The following ATRNL1 variants were observed in gnomAD, a reference collection of about 807,000 sequenced individuals.
ATRNL1 encodes attractin like 1.
ATRNL1 carries 95 observed loss-of-function variants against 182.7 expected under a neutral mutation model. That is an observed-to-expected ratio of 0.52 (90% confidence interval 0.44 to 0.62). The LOEUF is 0.62. ATRNL1 is among the 20% of genes least tolerant of loss of function. ATRNL1 has a pLI of 0.00. For synonymous variants in ATRNL1, 576 were observed against 568.3 expected, an observed-to-expected ratio of 1.01 and a Z score of -0.19; for missense variants, 1,471 against 1,679.5, an observed-to-expected ratio of 0.88 and a Z score of 2.17.
Position 115,802,021 on chromosome 10 carries a change from AACACACACAC to A in ATRNL1, c.3904-45840_3904-45831del, listed in dbSNP as rs60513803. ...AAAAACTTGCCTTAAAAAAAAAAGA[AACACACACAC>A]ACACACACACACACAAAACAAAAAA... On this transcript the variant is annotated intron_variant, in intron 27 of 28. Transcript: ENST00000355044. Among the ~76,000 whole-genome samples the A allele has an allele frequency of 0.011, 1,446 of 125,986 alleles. 30 individuals carry two copies. The East Asian group carries it at 0.12, about 10-fold the overall frequency. 82.7% of individuals were successfully genotyped at this position (125,986 alleles called of 152,430 possible). A position where few individuals can be genotyped will look rare whatever the true frequency, so the allele number is the denominator to read the frequency against.
chr10:115,241,702 C>A lies in ATRNL1; in HGVS notation c.1664C>A (p.Ala555Asp). Residue 555 changes from alanine to aspartate, a missense_variant, in exon 10 of 29, where the codon GCC becomes GAC. This residue lies in a region of ATRNL1 where 1,031 missense variants were observed against 1,156.0 expected (regional missense o/e 0.89). Transcript: ENST00000355044. ...SLSNGAKCFS[A>D]DFLAYDIACD... ...AGTAACGGTGCAAAATGTTTTTCTG[C>A]CGATTTCCTGGCATATGACATAGGT... 1 of 1,609,926 alleles carries A rather than the reference C, an allele frequency of 6.2e-7. No individual in the cohort carries two copies. Among genetic ancestry groups the A allele is most frequent in the Non-Finnish European group, 8.5e-7 (1 of 1,177,246 alleles).
intron 26 of ATRNL1, among the ~76,000 whole-genome samples, chr10:115,703,509 A>G (rs1946803429): frequency 6.6e-6 from 1 of 151,866 alleles, no homozygotes; most frequent in African/African-American, 2.4e-5. Context: ...TTACCTCTGG[A>G]GTGATAAGCA....
At chr10:115,884,295 T>C (rs1480391989) in intron 28 of ATRNL1, among the ~76,000 whole-genome samples, 1 of 152,170 alleles carries the variant, frequency 6.6e-6, no homozygotes, top group Non-Finnish European at 1.5e-5. Context: ...ACCAATTAAC[T>C]CTAGGAAGGT....
chr10:115,615,570 G>T (rs1429753171), intron 26 of ATRNL1, among the ~76,000 whole-genome samples: 1 of 152,070 alleles, frequency 6.6e-6, no homozygotes, highest in Non-Finnish European at 1.5e-5. Context: ...ATCTAATGTT[G>T]AAATGTAATC....
chr10:115,437,524 T>G (rs1846458346), intron 21 of ATRNL1, among the ~76,000 whole-genome samples: 1 of 152,036 alleles, frequency 6.6e-6, no homozygotes, highest in Non-Finnish European at 1.5e-5. Flanking sequence ...ACTTGTACTT[T>G]TATTCACATG....
intron 20 of ATRNL1, among the ~76,000 whole-genome samples, chr10:115,408,764 G>T (rs1844988904): frequency 6.6e-6 from 1 of 151,868 alleles, no homozygotes; most frequent in South Asian, 2.1e-4. Flanking sequence ...AGAGGTGAGG[G>T]GTCTAGTTTA....
At chr10:115,365,744 G>A (rs1204431239) in intron 19 of ATRNL1, among the ~76,000 whole-genome samples, 5 of 152,044 alleles carry the variant, frequency 3.3e-5, no homozygotes, top group African/African-American at 9.7e-5. Context: ...TGGTTTCAAA[G>A]AACAGCTTTA....
intron 24 of ATRNL1, among the ~76,000 whole-genome samples, chr10:115,504,204 G>A (rs557295025): frequency 3.9e-5 from 6 of 151,906 alleles, no homozygotes; most frequent in African/African-American, 1.4e-4. Flanking sequence ...AACTGAAATA[G>A]TCATTATTTA....
chr10:115,715,713 A>G (rs1555056078), intron 26 of ATRNL1, among the ~76,000 whole-genome samples: 3 of 152,226 alleles, frequency 2.0e-5, no homozygotes, highest in East Asian at 1.9e-4. Context: ...AAAAATGTAT[A>G]ATAAATACCA....
chr10:115,318,522 C>CT (rs1854420214), intron 18 of ATRNL1, among the ~76,000 whole-genome samples: 2 of 151,928 alleles, frequency 1.3e-5, no homozygotes, highest in East Asian at 1.9e-4. Context: ...TGGTCCTGGG[C>CT]TTTTTTTGGT....
At chr10:115,602,633 G>A (rs1225567310) in intron 26 of ATRNL1, among the ~76,000 whole-genome samples, 1 of 152,120 alleles carries the variant, frequency 6.6e-6, no homozygotes, top group Non-Finnish European at 1.5e-5. Context: ...GGAGGCCAAG[G>A]TGGGTGGATC....
At position 115,094,028 on chromosome 10, in the gene ATRNL1, G is replaced by GCCA. The variant is rs2084946309; in HGVS notation, c.279_281dup (p.Cys93_Gln94insHis). On this transcript the variant is annotated inframe_insertion, in exon 1 of 29. Transcript: ENST00000355044. ...TGGGTGGGGGACCAGTGCCAGCACT[G>GCCA]CCAGGGCAGGTTCAAGTAAGTGCCT... 6.5e-7 allele frequency: 1 copy of GCCA among 1,538,914 alleles called. No individual in the cohort carries two copies. The highest frequency in any genetic ancestry group is 8.8e-7 in the Non-Finnish European group (1 of 1,141,830).
chr10:115,322,468 AT>A (rs1854632980), intron 18 of ATRNL1, among the ~76,000 whole-genome samples: 1 of 151,982 alleles, frequency 6.6e-6, no homozygotes, highest in Non-Finnish European at 1.5e-5. Flanking sequence ...TTTTATGGTT[AT>A]AGGACAAATA....
chr10:115,297,437 C>A (rs889060787), intron 15 of ATRNL1, among the ~76,000 whole-genome samples: 1 of 151,660 alleles, frequency 6.6e-6, no homozygotes, highest in Non-Finnish European at 1.5e-5. Flanking sequence ...GTCAGGAGTT[C>A]GAGACCATCC....
At chr10:115,783,239 C>G (rs954697222) in intron 27 of ATRNL1, among the ~76,000 whole-genome samples, 1 of 151,850 alleles carries the variant, frequency 6.6e-6, no homozygotes, top group Non-Finnish European at 1.5e-5. Context: ...CACACACACA[C>G]ACACACACAC....
At chr10:115,719,599 C>T (rs149161009) in intron 26 of ATRNL1, among the ~76,000 whole-genome samples, 1 of 152,246 alleles carries the variant, frequency 6.6e-6, no homozygotes, top group Non-Finnish European at 1.5e-5. Flanking sequence ...CTTCAAAATA[C>T]TCAGTGTTAG....
At chr10:115,283,710 A>G (rs991523395) in intron 14 of ATRNL1, among the ~76,000 whole-genome samples, 9 of 152,224 alleles carry the variant, frequency 5.9e-5, no homozygotes, top group Non-Finnish European at 1.0e-4. Context: ...TTGGACCAAA[A>G]TAAGATTTGA....
rs781871267 is a variant in ATRNL1, at chr10:115,300,047, G to T, written c.2429G>T (p.Trp810Leu). The part of the protein sequence containing the change: ...QKYTQQKVSP[W>L]VGLRKINISY... ...TGTTGTTTACAGAAAGTATCACCTT[G>T]GGTAGGCTTGCGCAAGATCAATATA... The change falls in exon 16 of 29, where the codon TGG becomes TTG. Residue 810 changes from tryptophan (W) to leucine (L), a missense_variant. By Grantham distance (61) the Trp-to-Leu change is moderately conservative (BLOSUM62 -2). Around this residue, in one of 3 missense-constraint regions of ATRNL1, gnomAD observed 1,031 missense variants for 1,156.0 expected, o/e 0.89. Coordinates refer to ENST00000355044, the MANE Select transcript of ATRNL1 (RefSeq NM_207303.4). 6.2e-7 allele frequency: 1 copy of T among 1,611,636 alleles called. No homozygotes were observed. Among genetic ancestry groups the T allele is most frequent in the South Asian group, 1.1e-5 (1 of 90,798 alleles).
At chr10:115,095,377 A>ATTT (rs1564730857) in intron 1 of ATRNL1, among the ~76,000 whole-genome samples, 4 of 131,402 alleles carry the variant, frequency 3.0e-5, no homozygotes, top group African/African-American at 9.9e-5. Flanking sequence ...TTTTTTTTTA[A>ATTT]AAAAAAACTT....
Sources: allele counts gnomAD v4.1 joint callset (sites outside exome capture counted in the v4.1 genomes callset), GRCh38; gene constraint gnomAD v4.1.1; regional missense constraint gnomAD v4.1.1; transcripts MANE v1.5; gene names NCBI Gene and HGNC (gene_info 2026-07-23, HGNC 2026-07-21).